The following EPHA6 variants were observed in gnomAD, a reference collection of about 807,000 sequenced individuals.
The protein encoded by EPHA6 is ephrin type-A receptor 6.
A neutral mutation model predicts 112.0 loss-of-function variants in EPHA6; 50 were observed. The ratio of observed to expected loss-of-function variants is 0.45; its 90% CI spans 0.36 to 0.56. The LOEUF (loss-of-function observed/expected upper bound fraction) is 0.56, where lower values mean the gene tolerates loss of function less well. EPHA6 is among the 20% of genes least tolerant of loss of function. The pLI, the probability that EPHA6 is intolerant of heterozygous loss-of-function variation, is 0.00. For synonymous variants in EPHA6, 529 were observed against 490.7 expected (o/e 1.08, Z -1.03); for missense variants, 1,280 against 1,417.4 (o/e 0.90, Z 1.56).
chr3:97,168,571 C>G (rs940720443), intron 3 of EPHA6, among the ~76,000 whole-genome samples: 1 of 146,136 alleles, frequency 6.8e-6, no homozygotes, highest in Admixed American at 7.0e-5. Context: ...CTCTCTTTCT[C>G]TCTGTCTCTC....
chr3:97,445,134 G>C (rs2090291440), intron 6 of EPHA6, among the ~76,000 whole-genome samples: 1 of 151,930 alleles, frequency 6.6e-6, no homozygotes, highest in Non-Finnish European at 1.5e-5. Flanking sequence ...TTTTATTTTA[G>C]AAAATGATAC....
rs1258662812 is a variant in EPHA6, at chr3:97,757,007, CTTTG to C, written c.*8310_*8313del. 1.3e-5 allele frequency among the ~76,000 whole-genome samples: 2 copies of C among 151,676 alleles called. No individual in the cohort carries two copies. The highest frequency in any genetic ancestry group is 3.0e-5 in the Non-Finnish European group (2 of 67,722). Reference sequence around the variant, plus strand: ...TTTTGAAGGAATAATTTTTAACAGTCTTTGTTTCTTAAAATGTTAATTATGGTAT... The same window carrying C: ...TTTTGAAGGAATAATTTTTAACAGTCTTTCTTAAAATGTTAATTATGGTAT... On this transcript the variant is annotated 3_prime_UTR_variant, in exon 18 of 18. Transcript: ENST00000389672.
rs759000857 is a variant in EPHA6 at position 97,448,582 on chromosome 3, G to A, written c.1746G>A (p.Leu582=). 6.2e-7 allele frequency: 1 copy of A among 1,613,342 alleles called. No individual in the cohort carries two copies. The highest frequency in any genetic ancestry group is 8.5e-7 in the Non-Finnish European group (1 of 1,179,488). The change falls in exon 7 of 18, where the codon CTG becomes CTA. Residue 582 remains leucine (L), a synonymous_variant. Transcript: ENST00000389672. ...CTGTCCCCCAGGAACATGAGCAGCTGACCTACTCTTCCACAAGGTCCAAAG... is the reference window on the plus strand; with the variant it reads ...CTGTCCCCCAGGAACATGAGCAGCTAACCTACTCTTCCACAAGGTCCAAAG... ...IKYYEKEHEQ[L]TYSSTRSKAP...
chr3:96,875,058 C>T lies in EPHA6; in HGVS notation c.450+8169C>T, dbSNP rs192439170. ...CAAGTTTCTGCTGAATCTTCAGGTC[C>T]AATTCTTAGTTTTTCTTAAATTCCT... On this transcript the variant is annotated intron_variant, in intron 2 of 17. Transcript: ENST00000389672. Among the ~76,000 whole-genome samples, 20 of 152,122 alleles carry T rather than the reference C, an allele frequency of 1.3e-4. No homozygotes were observed. The East Asian group carries it at 3.7e-3, about 28-fold the overall frequency.
intron 3 of EPHA6, among the ~76,000 whole-genome samples, chr3:97,010,679 G>A (rs993416426): frequency 6.6e-6 from 1 of 151,306 alleles, no homozygotes; most frequent in Non-Finnish European, 1.5e-5. Context: ...TATTTATTTT[G>A]AGGCAGTGTC....
At chr3:97,093,032 AT>A (rs1317748210) in intron 3 of EPHA6, among the ~76,000 whole-genome samples, 2 of 152,128 alleles carry the variant, frequency 1.3e-5, no homozygotes, top group African/African-American at 4.8e-5. Flanking sequence ...TGACTAGCTT[AT>A]TAAATATCTT....
intron 1 of EPHA6, among the ~76,000 whole-genome samples, chr3:96,862,514 A>G (rs2036065992): frequency 6.6e-6 from 1 of 151,882 alleles, no homozygotes. Context: ...TTTACATGAC[A>G]TTGACTTAAA....
At position 97,756,383 on chromosome 3, in the gene EPHA6, G is replaced by A. The variant is rs1268462991; in HGVS notation, c.*7682G>A. Among the ~76,000 whole-genome samples, 1 of 151,742 alleles carries A rather than the reference G, an allele frequency of 6.6e-6. No individual in the cohort carries two copies. The highest frequency in any genetic ancestry group is 1.5e-5 in the Non-Finnish European group (1 of 67,786). On this transcript the variant is annotated 3_prime_UTR_variant, in exon 18 of 18. Transcript: ENST00000389672. ...AATTTAACTTGTTTAAATATCCATT[G>A]GTATATTATCAAGAGCTATTACTGC...
intron 12 of EPHA6, among the ~76,000 whole-genome samples, chr3:97,596,875 A>AATATATATATATATATATATATATATAT (rs62670860): frequency 1.0e-4 from 10 of 100,404 alleles, no homozygotes; most frequent in South Asian, 3.0e-4. Context: ...ATATCTATGG[A>AATATATATATATATATATATATATATAT]ATATATATAT....
rs529840516 is a variant in EPHA6, at chr3:97,253,143, C to T, written c.1606+8856C>T. 3.3e-5 allele frequency among the ~76,000 whole-genome samples: 5 copies of T among 152,228 alleles called. No homozygotes were observed. The East Asian group carries it at 7.7e-4, about 23-fold the overall frequency. On this transcript the variant is annotated intron_variant, in intron 5 of 17. Coordinates refer to ENST00000389672, the MANE Select transcript of EPHA6 (RefSeq NM_001080448.3). ...AATATATAATATCTGATTCAATATACATTTTCAAGAACTGACTGCCTGAAA... is the reference window on the plus strand; with the variant it reads ...AATATATAATATCTGATTCAATATATATTTTCAAGAACTGACTGCCTGAAA...
intron 2 of EPHA6, among the ~76,000 whole-genome samples, chr3:96,936,037 G>C (rs953566677): frequency 2.2e-4 from 33 of 151,894 alleles, no homozygotes; most frequent in African/African-American, 7.5e-4. Context: ...ACTGCTAAAA[G>C]GGGGGAAAAT....
chr3:96,866,339 C>A (rs2036309120), intron 1 of EPHA6, among the ~76,000 whole-genome samples: 1 of 151,868 alleles, frequency 6.6e-6, no homozygotes, highest in South Asian at 2.1e-4. Flanking sequence ...ATAATGTAGT[C>A]AGTGCTTTAA....
chr3:96,936,814 G>A (rs1328991182), intron 2 of EPHA6, among the ~76,000 whole-genome samples: 1 of 152,038 alleles, frequency 6.6e-6, no homozygotes, highest in Non-Finnish European at 1.5e-5. Flanking sequence ...CTGTGTCCAT[G>A]TGTTCTCACT....
At chr3:96,846,241 A>G (rs1026472351) in intron 1 of EPHA6, among the ~76,000 whole-genome samples, 30 of 152,172 alleles carry the variant, frequency 2.0e-4, no homozygotes, top group Admixed American at 6.6e-4. Context: ...ACTGTCCCAT[A>G]GCGGTAATTC....
intron 2 of EPHA6, among the ~76,000 whole-genome samples, chr3:96,908,897 A>C (rs1470643178): frequency 2.6e-5 from 4 of 152,016 alleles, no homozygotes; most frequent in Non-Finnish European, 5.9e-5. Context: ...GAATAGCTTC[A>C]TTGGAGTTAA....
intron 3 of EPHA6, among the ~76,000 whole-genome samples, chr3:97,033,464 G>A (rs1645654881): frequency 6.6e-6 from 1 of 151,922 alleles, no homozygotes; most frequent in Admixed American, 6.6e-5. Flanking sequence ...GGATCTTTAA[G>A]AAAATTCACA....
intron 2 of EPHA6, among the ~76,000 whole-genome samples, chr3:96,978,552 C>A (rs540438912): frequency 5.5e-4 from 84 of 152,120 alleles, no homozygotes; most frequent in South Asian, 4.2e-4. Flanking sequence ...ATTTGTATAT[C>A]AATATATATT....
intron 11 of EPHA6, among the ~76,000 whole-genome samples, chr3:97,591,081 G>C (rs2093539575): frequency 6.6e-6 from 1 of 152,160 alleles, no homozygotes; most frequent in Non-Finnish European, 1.5e-5. Context: ...AGGGACTCCA[G>C]CTCTTCATGA....
intron 15 of EPHA6, among the ~76,000 whole-genome samples, chr3:97,732,754 A>C (rs940174053): frequency 2.0e-5 from 3 of 152,090 alleles, no homozygotes; most frequent in African/African-American, 7.2e-5. Flanking sequence ...AAGAGTTAAC[A>C]CATGAACATC....
Sources: allele counts gnomAD v4.1 joint callset (sites outside exome capture counted in the v4.1 genomes callset), GRCh38; gene constraint gnomAD v4.1.1; transcripts MANE v1.5; gene names NCBI Gene and HGNC (gene_info 2026-07-23, HGNC 2026-07-21).